Variants in RAB8B observed in about 807,000 individuals in gnomAD.
The protein encoded by RAB8B is RAB8B, member RAS oncogene family, also known as ras-related protein Rab-8B.
Under a neutral mutation model 32.0 loss-of-function variants are expected in RAB8B, and 11 were observed. The ratio of observed to expected loss-of-function variants is 0.34; its 90% CI spans 0.22 to 0.57. The LOEUF is 0.57. Ranked by LOEUF, RAB8B falls within the 20% of genes least tolerant of loss-of-function variation. RAB8B has a pLI of 0.86. For synonymous variants in RAB8B, 103 were observed against 89.6 expected (o/e 1.15, Z -0.85); for missense variants, 190 against 258.5 (o/e 0.73, Z 1.82).
chr15:63,219,073 G>A (rs2037819954), intron 1 of RAB8B, among the ~76,000 whole-genome samples: 2 of 144,992 alleles, frequency 1.4e-5, no homozygotes, highest in South Asian at 4.4e-4. Context: ...GACTGAGGTG[G>A]GTAGATCACG....
At chr15:63,228,599 T>C (rs367943803) in intron 1 of RAB8B, among the ~76,000 whole-genome samples, 6 of 152,376 alleles carry the variant, frequency 3.9e-5, no homozygotes, top group East Asian at 1.9e-4. Flanking sequence ...AGAAATAAAC[T>C]GGAACTGCAG....
chr15:63,207,386 C>T (rs924818863), intron 1 of RAB8B, among the ~76,000 whole-genome samples: 1 of 152,092 alleles, frequency 6.6e-6, no homozygotes, highest in Non-Finnish European at 1.5e-5. Context: ...CTCCTCTTCC[C>T]GGCCTCTCTC....
At chr15:63,225,972 C>G (rs568039261) in intron 1 of RAB8B, among the ~76,000 whole-genome samples, 1 of 152,270 alleles carries the variant, frequency 6.6e-6, no homozygotes, top group African/African-American at 2.4e-5. Flanking sequence ...CCATCAGTAG[C>G]TGCGACTACA....
At chr15:63,214,286 C>CTTTTTTTTTTTTT (rs34415858) in intron 1 of RAB8B, among the ~76,000 whole-genome samples, 4 of 95,640 alleles carry the variant, frequency 4.2e-5, no homozygotes, top group East Asian at 4.8e-4. Context: ...CAGTTTCTTT[C>CTTTTTTTTTTTTT]TTTTTTTTTT....
intron 1 of RAB8B, among the ~76,000 whole-genome samples, chr15:63,199,995 G>A (rs1398825753): frequency 3.3e-5 from 5 of 152,128 alleles, no homozygotes; most frequent in Admixed American, 3.3e-4. Context: ...AAAGTACGTA[G>A]GGCTGTGACA....
intron 1 of RAB8B, among the ~76,000 whole-genome samples, chr15:63,214,224 T>G (rs2037771991): frequency 6.6e-6 from 1 of 151,862 alleles, no homozygotes; most frequent in Admixed American, 6.6e-5. Context: ...TCTAGGAGTT[T>G]AAGTTTGAAA....
intron 1 of RAB8B, among the ~76,000 whole-genome samples, chr15:63,205,520 T>G (rs368814536): frequency 4.0e-5 from 6 of 151,572 alleles, no homozygotes; most frequent in East Asian, 1.9e-4. Context: ...AAAAAAATAC[T>G]CACACACACA....
intron 3 of RAB8B, among the ~76,000 whole-genome samples, chr15:63,253,496 G>A (rs1167246330): frequency 1.3e-5 from 2 of 152,012 alleles, no homozygotes; most frequent in African/African-American, 4.8e-5. Flanking sequence ...GTACCCTTAC[G>A]GAAAGTGGAT....
chr15:63,250,682 C>T (rs374283211), intron 3 of RAB8B, among the ~76,000 whole-genome samples: 8 of 151,748 alleles, frequency 5.3e-5, no homozygotes, highest in East Asian at 1.9e-4. Flanking sequence ...CTGTGCTTAA[C>T]CATGCTTAGA....
intron 6 of RAB8B, among the ~76,000 whole-genome samples, chr15:63,260,577 C>T (rs544135896): frequency 6.6e-6 from 1 of 152,132 alleles, no homozygotes; most frequent in African/African-American, 2.4e-5. Context: ...TCTTCAATAC[C>T]TAACGTAGAT....
rs1351750744 is a variant in RAB8B at position 63,248,448 on chromosome 15, G to GTTGCAGTGAGCCAGGAGGCAGAGT, written c.186-1181_186-1180insGGCAGAGTTTGCAGTGAGCCAGGA. 1.3e-5 allele frequency among the ~76,000 whole-genome samples: 2 copies of GTTGCAGTGAGCCAGGAGGCAGAGT among 152,162 alleles called. No homozygotes were observed. Among genetic ancestry groups the GTTGCAGTGAGCCAGGAGGCAGAGT allele is most frequent in the Non-Finnish European group, 2.9e-5 (2 of 68,040 alleles). On this transcript the variant is annotated intron_variant, in intron 2 of 7. Coordinates refer to ENST00000321437, the MANE Select transcript of RAB8B (RefSeq NM_016530.3). The surrounding 1 kb of genome is among the most constrained non-coding windows in gnomAD (Gnocchi z 4.4). ...AATCGCTTGAACCCAGGAGGCAGAG[G>GTTGCAGTGAGCCAGGAGGCAGAGT]TTGCAGTGAGCCAGGATTGTGCCAC...
intron 6 of RAB8B, among the ~76,000 whole-genome samples, chr15:63,261,409 AG>A (rs1298156288): frequency 6.6e-6 from 1 of 152,248 alleles, no homozygotes; most frequent in African/African-American, 2.4e-5. Context: ...CTCACTACTG[AG>A]TATTTACCCA....
chr15:63,239,645 T>G (rs2038015451), intron 1 of RAB8B, among the ~76,000 whole-genome samples: 1 of 152,170 alleles, frequency 6.6e-6, no homozygotes, highest in Non-Finnish European at 1.5e-5. Flanking sequence ...TGACCTCAGG[T>G]GATCTGCCTG....
At chr15:63,227,019 G>A (rs1486852136) in intron 1 of RAB8B, among the ~76,000 whole-genome samples, 1 of 152,102 alleles carries the variant, frequency 6.6e-6, no homozygotes, top group African/African-American at 2.4e-5. Context: ...CAGTGACAAC[G>A]ACCAGAGGTC....
rs181614395 is a variant in RAB8B, at chr15:63,209,673, A to G, written c.124+19925A>G. On this transcript the variant is annotated intron_variant, in intron 1 of 7. Coordinates refer to ENST00000321437, the MANE Select transcript of RAB8B (RefSeq NM_016530.3). The stretch of plus-strand genomic sequence containing the variant: ...AGGGAGCCTTTAAAGGTACCAGTTT[A>G]GAACTTTTTTTCTGATGATTCTGAA... Among the ~76,000 whole-genome samples the G allele has an allele frequency of 6.8e-3, 1,036 of 152,314 alleles. 4 individuals carry two copies. Among genetic ancestry groups the G allele is most frequent in the Admixed American group, 0.011 (171 of 15,294 alleles).
intron 1 of RAB8B, among the ~76,000 whole-genome samples, chr15:63,205,217 T>C (rs2037688214): frequency 6.6e-6 from 1 of 152,142 alleles, no homozygotes; most frequent in African/African-American, 2.4e-5. Flanking sequence ...GGAGAATCGC[T>C]TGAACCCAGG....
At chr15:63,252,529 A>G (rs1326018632) in intron 3 of RAB8B, among the ~76,000 whole-genome samples, 6 of 152,244 alleles carry the variant, frequency 3.9e-5, no homozygotes, top group Non-Finnish European at 7.3e-5. Context: ...ATGAAACTTC[A>G]TGATGACATG....
chr15:63,192,204 A>G (rs2037561370), intron 1 of RAB8B, among the ~76,000 whole-genome samples: 4 of 152,216 alleles, frequency 2.6e-5, no homozygotes, highest in Admixed American at 6.5e-5. Context: ...TGCAGAATTT[A>G]TATACACACT....
At chr15:63,210,696 G>A (rs1173495654) in intron 1 of RAB8B, among the ~76,000 whole-genome samples, 3 of 152,216 alleles carry the variant, frequency 2.0e-5, no homozygotes, top group East Asian at 1.9e-4. Context: ...AGTATGTGCC[G>A]TGGCCTCCCG....
Sources: allele counts gnomAD v4.1 joint callset (sites outside exome capture counted in the v4.1 genomes callset), GRCh38; gene constraint gnomAD v4.1.1; non-coding constraint Gnocchi (gnomAD v3.1); transcripts MANE v1.5; gene names NCBI Gene and HGNC (gene_info 2026-07-23, HGNC 2026-07-21).